Variants in NLRP13 observed in about 807,000 individuals in gnomAD.
NLRP13 encodes the protein NLR family pyrin domain containing 13.
A neutral mutation model predicts 94.4 loss-of-function variants in NLRP13; 82 were observed. The observed-to-expected ratio is 0.87, with a 90% CI of 0.73 to 1.04. The LOEUF (loss-of-function observed/expected upper bound fraction) is 1.04, where lower values mean the gene tolerates loss of function less well. Ranked by LOEUF, NLRP13 falls within the 50% of genes least tolerant of loss-of-function variation. NLRP13 has a pLI of 0.00. For missense variants in NLRP13, 1,426 were observed against 1,230.8 expected (o/e 1.16, Z -2.37); for synonymous variants, 553 against 464.7 (o/e 1.19, Z -2.45).
intron 4 of NLRP13, among the ~76,000 whole-genome samples, chr19:55,919,067 A>T (rs1306801882): frequency 6.6e-6 from 1 of 152,204 alleles, no homozygotes; most frequent in Non-Finnish European, 1.5e-5. Context: ...ACGGTTCAAC[A>T]CTCACAAATC....
In NLRP13 at chr19:55,912,301, C is replaced by CA; in HGVS notation, c.1515_1516insT (p.Glu506Ter). 1.9e-6 allele frequency: 3 copies of CA among 1,614,098 alleles called. No individual in the cohort carries two copies. Among genetic ancestry groups the CA allele is most frequent in the Non-Finnish European group, 2.5e-6 (3 of 1,180,024 alleles). On this transcript the variant is annotated frameshift_variant, in exon 5 of 11. Transcript: ENST00000342929. LOFTEE classifies it high-confidence loss of function. ...TCAATGAAAGGCACTTCCAGGCCCT[C>CA]GATCTCAGTGTCTTCTTTGTTAAAC...
intron 9 of NLRP13, 53 bp from the exon 10 acceptor site, chr19:55,898,990 T>C: frequency 6.4e-7 from 1 of 1,563,594 alleles, no homozygotes; most frequent in Non-Finnish European, 8.7e-7. Context: ...CCCGAAGCTG[T>C]GCTGTGTTTA....
intron 1 of NLRP13, among the ~76,000 whole-genome samples, chr19:55,928,966 G>T: frequency 6.6e-6 from 1 of 152,152 alleles, no homozygotes; most frequent in Middle Eastern, 3.4e-3. Context: ...AAAAGTGGGC[G>T]AAGTATATGA....
chr19:55,892,123 T>A, downstream of NLRP13: 1 of 1,232,018 alleles, frequency 8.1e-7, no homozygotes, highest in Non-Finnish European at 1.0e-6. Flanking sequence ...TTTTGAAGCC[T>A]GCAAAATAAG....
In NLRP13 at chr19:55,898,773, A is replaced by T; in HGVS notation, c.2954T>A (p.Leu985His). 6.2e-7 allele frequency: 1 copy of T among 1,604,934 alleles called. No homozygotes were observed. ...AAGGAGAACAGCATCAACTCACCCA[A>T]GTGTGTGCAATGCACGATGTGGTTT... ...ALKPHRALHT[L>H]GLAKCNLTTA... The change falls in exon 10 of 11, where the codon CTT becomes CAT. Residue 985 changes from leucine to histidine, a missense_variant. By Grantham distance (99) the Leu-to-His change is moderately conservative. Transcript: ENST00000342929.
intron 6 of NLRP13, among the ~76,000 whole-genome samples, chr19:55,910,248 T>C (rs956476747): frequency 6.6e-6 from 1 of 152,210 alleles, no homozygotes; most frequent in Non-Finnish European, 1.5e-5. Context: ...TAGCTCTTCT[T>C]GAGTGCTTTG....
rs370344151 is a variant in NLRP13 at position 55,916,212 on chromosome 19, G to T, written c.524-2919C>A. Among the ~76,000 whole-genome samples the T allele has an allele frequency of 7.9e-4, 120 of 151,808 alleles. 1 individual carries two copies. The highest frequency in any genetic ancestry group is 3.4e-3 in the Middle Eastern group (1 of 294). ...CACACATTATAGTCACATCCTCAAGGGAAAAAATAGTCCCATCTAAACAGC... is the reference window on the plus strand; with the variant it reads ...CACACATTATAGTCACATCCTCAAGTGAAAAAATAGTCCCATCTAAACAGC... On this transcript the variant is annotated intron_variant, in intron 4 of 10. Coordinates refer to ENST00000342929, the MANE Select transcript of NLRP13 (RefSeq NM_176810.2).
At chr19:55,925,965 C>T (rs1384070753) in intron 1 of NLRP13, among the ~76,000 whole-genome samples, 2 of 152,016 alleles carry the variant, frequency 1.3e-5, no homozygotes, top group Non-Finnish European at 2.9e-5. Context: ...GAGTCTGAGC[C>T]CTACGTCCAC....
At position 55,909,165 on chromosome 19, in the gene NLRP13, C is replaced by T. The variant is rs74835516; in HGVS notation, c.2283-1209G>A. Among the ~76,000 whole-genome samples, 627 of 152,320 alleles carry T rather than the reference C, an allele frequency of 4.1e-3. 13 individuals are homozygous for T. The East Asian group carries it at 0.066, about 16-fold the overall frequency. On this transcript the variant is annotated intron_variant, in intron 6 of 10. Transcript: ENST00000342929. ...AAATCCCACCTCAGATTCAAAGCTA[C>T]GCATTACTCTCTCCTCTATAGTTCC...
downstream of NLRP13, among the ~76,000 whole-genome samples, chr19:55,893,864 G>A (rs534011543): frequency 2.6e-5 from 4 of 152,128 alleles, no homozygotes; most frequent in Non-Finnish European, 5.9e-5. Flanking sequence ...AACGGTTGCT[G>A]TCCCAGAACC....
At chr19:55,918,851 G>T (rs920070450) in intron 4 of NLRP13, among the ~76,000 whole-genome samples, 2 of 152,070 alleles carry the variant, frequency 1.3e-5, no homozygotes, top group Non-Finnish European at 2.9e-5. Context: ...TGTTGGAGAG[G>T]AGGGAGTGCT....
Position 55,923,962 on chromosome 19 carries a change from C to T in NLRP13, c.475G>A (p.Gly159Arg), listed in dbSNP as rs1354640882. The change falls in exon 4 of 11, where the codon GGA becomes AGA. Residue 159 changes from glycine (G) to arginine (R), a missense_variant. Gly to Arg is a moderately radical substitution (Grantham distance 125, BLOSUM62 -2). Coordinates refer to ENST00000342929, the MANE Select transcript of NLRP13 (RefSeq NM_176810.2). ...EEETGNVQAQ[G>R]CQDPNQEEPE... is the part of the protein sequence containing the mutation. ...TCTTCTTGGTTTGGATCTTGGCATCCCTGGGCCTGTACATTCCCTGAAATA... is the reference window on the plus strand; with the variant it reads ...TCTTCTTGGTTTGGATCTTGGCATCTCTGGGCCTGTACATTCCCTGAAATA... The T allele has an allele frequency of 6.2e-7, 1 of 1,613,586 alleles. No individual in the cohort carries two copies. Among genetic ancestry groups the T allele is most frequent in the African/African-American group, 1.3e-5 (1 of 74,848 alleles).
chr19:55,893,164 G>A (rs1985903484), downstream of NLRP13, among the ~76,000 whole-genome samples: 1 of 152,158 alleles, frequency 6.6e-6, no homozygotes, highest in African/African-American at 2.4e-5. Context: ...TGAGGCAGGT[G>A]AATTACCTGA....
chr19:55,912,362 A>C lies in NLRP13; in HGVS notation c.1455T>G (p.Ser485Arg), dbSNP rs303999. ...TAGACCACAGCCCTTCTATGGCCAGACTGCAGAGGGCCCTCCATTGTCCTG... is the reference window on the plus strand; with the variant it reads ...TAGACCACAGCCCTTCTATGGCCAGCCTGCAGAGGGCCCTCCATTGTCCTG... ...SWPGQWRALC[S>R]LAIEGLWSMN... is the part of the protein sequence containing the mutation. Residue 485 changes from serine to arginine, a missense_variant, in exon 5 of 11, where the codon AGT becomes AGG. Coordinates refer to ENST00000342929, the MANE Select transcript of NLRP13 (RefSeq NM_176810.2). 40 of 1,613,776 alleles carry C rather than the reference A, an allele frequency of 2.5e-5. No individual in the cohort carries two copies. The highest frequency in any genetic ancestry group is 3.4e-5 in the Non-Finnish European group (40 of 1,179,968).
chr19:55,919,663 G>T (rs1276898957), intron 4 of NLRP13, among the ~76,000 whole-genome samples: 1 of 151,732 alleles, frequency 6.6e-6, no homozygotes, highest in Non-Finnish European at 1.5e-5. Flanking sequence ...AGAGGTGAAA[G>T]ATCTCCACAA....
chr19:55,910,781 G>A (rs1986487647), intron 5 of NLRP13, 48 bp from the exon 6 acceptor site: 15 of 1,457,042 alleles, frequency 1.0e-5, no homozygotes, highest in Middle Eastern at 2.1e-4. Flanking sequence ...TTAGCCTCAA[G>A]CAATACCCAG....
intron 6 of NLRP13, among the ~76,000 whole-genome samples, chr19:55,908,430 C>T (rs1260363727): frequency 6.6e-6 from 1 of 152,142 alleles, no homozygotes; most frequent in Non-Finnish European, 1.5e-5. Context: ...GGTATATGCC[C>T]AAAGGAACGT....
intron 7 of NLRP13, among the ~76,000 whole-genome samples, chr19:55,905,981 G>A (rs552016126): frequency 6.6e-5 from 10 of 152,160 alleles, no homozygotes; most frequent in Admixed American, 2.0e-4. Flanking sequence ...AAAGGCTGCC[G>A]TGTGAGATAG....
At chr19:55,917,147 C>G (rs1986694507) in intron 4 of NLRP13, among the ~76,000 whole-genome samples, 1 of 152,060 alleles carries the variant, frequency 6.6e-6, no homozygotes, top group Non-Finnish European at 1.5e-5. Flanking sequence ...GAAATAAAGT[C>G]TTTTTCAGAC....
Sources: allele counts gnomAD v4.1 joint callset (sites outside exome capture counted in the v4.1 genomes callset), GRCh38; gene constraint gnomAD v4.1.1; transcripts MANE v1.5; gene names NCBI Gene and HGNC (gene_info 2026-07-23, HGNC 2026-07-21).